PTBP3: variants seen among roughly 807,000 people sequenced by gnomAD.
The protein encoded by PTBP3 is polypyrimidine tract-binding protein 3.
In PTBP3, 20 loss-of-function variants were observed where a neutral mutation model predicts 58.7. That is an observed-to-expected ratio of 0.34 (90% CI 0.24 to 0.50). The LOEUF is 0.50. Ranked by LOEUF, PTBP3 falls within the 20% of genes least tolerant of loss-of-function variation. PTBP3 has a pLI of 0.98. For synonymous variants in PTBP3, 185 were observed against 219.8 expected (o/e 0.84, Z 1.40); for missense variants, 509 against 637.2 (o/e 0.80, Z 2.17).
At chr9:112,294,584 C>A (rs1828586868) in intron 2 of PTBP3, among the ~76,000 whole-genome samples, 2 of 152,178 alleles carry the variant, frequency 1.3e-5, no homozygotes, top group Non-Finnish European at 2.9e-5. Context: ...AATAAAGCCA[C>A]CTCCATTGCA....
chr9:112,316,849 G>A (rs150305616), intron 1 of PTBP3, among the ~76,000 whole-genome samples: 2 of 151,992 alleles, frequency 1.3e-5, no homozygotes, highest in Non-Finnish European at 2.9e-5. Context: ...GTGTGCACCT[G>A]TAATCCCAGC....
chr9:112,222,092 C>T lies in PTBP3; in HGVS notation c.*1759G>A. On this transcript the variant is annotated 3_prime_UTR_variant, in exon 14 of 14. Coordinates refer to ENST00000374257, the MANE Select transcript of PTBP3 (RefSeq NM_001163788.4). ...CTACAGGCGCACAGGCGCACACCAC[C>T]ATGCCCAGCAAGATATTCTTTATTC... is the stretch of plus-strand genomic sequence containing the variant. 6.1e-6 allele frequency: 6 copies of T among 984,870 alleles called. No homozygotes were observed. The highest frequency in any genetic ancestry group is 7.2e-6 in the Non-Finnish European group (6 of 829,028). The allele number at this position is 984,870 out of a possible 1,614,324, so 61.0% of individuals were successfully genotyped here. A position where few individuals can be genotyped will look rare whatever the true frequency, so the allele number is the denominator to read the frequency against.
intron 3 of PTBP3, among the ~76,000 whole-genome samples, chr9:112,273,863 T>C (rs994656908): frequency 2.0e-5 from 3 of 152,192 alleles, no homozygotes; most frequent in Non-Finnish European, 4.4e-5. Context: ...TAAAAAGATA[T>C]TTTCTAAACA....
chr9:112,354,775 C>T, the PTBP3 span, among the ~76,000 whole-genome samples: 1 of 152,040 alleles, frequency 6.6e-6, no homozygotes, highest in South Asian at 2.1e-4. Context: ...TTTCAAACAT[C>T]TTTTTATTTT....
intron 2 of PTBP3, among the ~76,000 whole-genome samples, chr9:112,284,305 G>A (rs116758358): frequency 0.02 from 2,977 of 152,282 alleles, 106 homozygotes; most frequent in African/African-American, 0.068. Context: ...CAAAGCCACC[G>A]GGGCGGAGAT....
chr9:112,257,773 C>A (rs529982714), intron 5 of PTBP3, among the ~76,000 whole-genome samples: 1 of 152,164 alleles, frequency 6.6e-6, no homozygotes, highest in African/African-American at 2.4e-5. Flanking sequence ...AATCCCTCCT[C>A]CACTAAAAGT....
chr9:112,244,131 C>G (rs569045740), intron 7 of PTBP3, among the ~76,000 whole-genome samples: 3 of 151,304 alleles, frequency 2.0e-5, no homozygotes, highest in East Asian at 3.9e-4. Flanking sequence ...GAAACCCCAT[C>G]TCTACTAAAA....
At chr9:112,341,955 T>G in the PTBP3 span, among the ~76,000 whole-genome samples, 57 of 152,328 alleles carry the variant, frequency 3.7e-4, 1 homozygote, top group East Asian at 8.5e-3. Context: ...GCATTATTTC[T>G]GGGTGTGCTG....
At chr9:112,378,968 T>C in the PTBP3 span, among the ~76,000 whole-genome samples, 2 of 152,092 alleles carry the variant, frequency 1.3e-5, no homozygotes, top group African/African-American at 2.4e-5. Context: ...GGGCCAATCA[T>C]TTGAGGTCAG....
chr9:112,309,532 C>G (rs1444736930), intron 1 of PTBP3, among the ~76,000 whole-genome samples: 2 of 152,030 alleles, frequency 1.3e-5, no homozygotes, highest in Non-Finnish European at 2.9e-5. Context: ...CTCCTGTAAT[C>G]CCAGCACTTT....
In PTBP3 at chr9:112,307,990, T is replaced by C. The variant is rs567619553; in HGVS notation, c.-51-10074A>G. On this transcript the variant is annotated intron_variant, in intron 1 of 13. Coordinates refer to ENST00000374257, the MANE Select transcript of PTBP3 (RefSeq NM_001163788.4). ...GCTCATCAGCTATCGTTAGTGTTAG[T>C]GTATTTTATGTGTGGCATAAGACAA... 2.6e-5 allele frequency among the ~76,000 whole-genome samples: 4 copies of C among 152,322 alleles called. No individual in the cohort carries two copies. The South Asian group carries it at 8.3e-4, about 32-fold the overall frequency.
chr9:112,366,895 T>C, the PTBP3 span, among the ~76,000 whole-genome samples: 1 of 152,130 alleles, frequency 6.6e-6, no homozygotes, highest in Non-Finnish European at 1.5e-5. Context: ...AGGGGGGCTA[T>C]ACCCTGTAAA....
At chr9:112,270,448 T>G (rs1045442892) in intron 3 of PTBP3, among the ~76,000 whole-genome samples, 3 of 152,208 alleles carry the variant, frequency 2.0e-5, no homozygotes, top group East Asian at 3.8e-4. Context: ...AAGAGTGCTA[T>G]TTGGGGAATA....
rs377571472 is a variant in PTBP3 at position 112,311,492 on chromosome 9, A to G, written c.-51-13576T>C. On this transcript the variant is annotated intron_variant, in intron 1 of 13. Coordinates refer to ENST00000374257, the MANE Select transcript of PTBP3 (RefSeq NM_001163788.4). Reference sequence around the variant, plus strand: ...GTGAGTTTGAACTGCCCGAGTCCAAATGAGGATCAAAAATACAGTATTCCC... The same window carrying G: ...GTGAGTTTGAACTGCCCGAGTCCAAGTGAGGATCAAAAATACAGTATTCCC... 9.8e-5 allele frequency among the ~76,000 whole-genome samples: 15 copies of G among 152,334 alleles called. No individual in the cohort carries two copies. In the East Asian group the frequency reaches 1.7e-3, roughly 18 times the overall value.
At chr9:112,346,206 G>A in the PTBP3 span, among the ~76,000 whole-genome samples, 1 of 150,580 alleles carries the variant, frequency 6.6e-6, no homozygotes, top group African/African-American at 2.4e-5. Context: ...CTTGCTCTGT[G>A]GCCCAGGCCG....
rs1483961542 is a variant in PTBP3, at chr9:112,333,541, C to T, written c.-123G>A. 2.6e-6 allele frequency: 4 copies of T among 1,554,066 alleles called. 1 individual carries two copies. The African/African-American group carries it at 4.2e-5, about 16-fold the overall frequency. On this transcript the variant is annotated 5_prime_UTR_variant, in exon 1 of 14. Coordinates refer to ENST00000374257, the MANE Select transcript of PTBP3 (RefSeq NM_001163788.4). ...GCTAACCGCGAGCAGAGGAAGCAGGCGGCGGCAGCAGGGCGGTTCCGGGGA... is the reference window on the plus strand; with the variant it reads ...GCTAACCGCGAGCAGAGGAAGCAGGTGGCGGCAGCAGGGCGGTTCCGGGGA...
rs922133361 is a variant in PTBP3, at chr9:112,221,266, TACAC to T, written c.*2581_*2584del. 1 of 984,262 alleles carries T rather than the reference TACAC, an allele frequency of 1.0e-6. No individual in the cohort carries two copies. The highest frequency in any genetic ancestry group is 1.2e-6 in the Non-Finnish European group (1 of 828,668). The allele number at this position is 984,262 out of a possible 1,614,324, so 61.0% of individuals were successfully genotyped here. On this transcript the variant is annotated 3_prime_UTR_variant, in exon 14 of 14. Transcript: ENST00000374257. ...GTGTATTTATGTATATACACTTATC[TACAC>T]ACACACACATTCACACACACACACA...
chr9:112,252,259 T>C (rs1383887994), intron 6 of PTBP3: 2 of 175,770 alleles, frequency 1.1e-5, no homozygotes, highest in African/African-American at 4.8e-5. Context: ...AAGTAAATGG[T>C]CTACAGCCAT....
chr9:112,358,919 C>A, the PTBP3 span, among the ~76,000 whole-genome samples: 2 of 152,142 alleles, frequency 1.3e-5, no homozygotes, highest in Non-Finnish European at 2.9e-5. Flanking sequence ...ACTATAGCCT[C>A]GACCTCCTGG....
Sources: allele counts gnomAD v4.1 joint callset (sites outside exome capture counted in the v4.1 genomes callset), GRCh38; gene constraint gnomAD v4.1.1; transcripts MANE v1.5; gene names NCBI Gene and HGNC (gene_info 2026-07-23, HGNC 2026-07-21).